The following GPR137C variants were observed in gnomAD, a reference collection of about 807,000 sequenced individuals.
The protein encoded by GPR137C is integral membrane protein GPR137C.
In GPR137C, 27 loss-of-function variants were observed where a neutral mutation model predicts 43.4. The ratio of observed to expected loss-of-function variants is 0.62; its 90% CI spans 0.46 to 0.86. The LOEUF (loss-of-function observed/expected upper bound fraction) is 0.86. Ranked by LOEUF, GPR137C falls within the 40% of genes least tolerant of loss-of-function variation. The pLI, the probability that GPR137C is intolerant of heterozygous loss-of-function variation, is 0.00. For missense variants in GPR137C, 522 were observed against 534.6 expected, an observed-to-expected ratio of 0.98 and a Z score of 0.23; for synonymous variants, 285 against 226.9, an observed-to-expected ratio of 1.26 and a Z score of -2.30.
At chr14:52,614,721 A>G (rs188988438) in intron 3 of GPR137C, among the ~76,000 whole-genome samples, 7 of 152,220 alleles carry the variant, frequency 4.6e-5, no homozygotes, top group Admixed American at 4.6e-4. Context: ...TCTTGGTCTT[A>G]AGCTATCCTT....
At chr14:52,565,860 T>A (rs75663638) in intron 1 of GPR137C, among the ~76,000 whole-genome samples, 8,437 of 152,302 alleles carry the variant, frequency 0.055, 267 homozygotes, top group Middle Eastern at 0.075. Context: ...ACCAGAATTC[T>A]AGTCCAAATT....
chr14:52,578,654 G>A (rs947504323), intron 1 of GPR137C, among the ~76,000 whole-genome samples: 1 of 152,054 alleles, frequency 6.6e-6, no homozygotes, highest in Non-Finnish European at 1.5e-5. Context: ...TAAGAGTGGA[G>A]GCCAGGCATG....
At chr14:52,623,567 G>A (rs2039185012) in intron 3 of GPR137C, among the ~76,000 whole-genome samples, 1 of 152,112 alleles carries the variant, frequency 6.6e-6, no homozygotes, top group Admixed American at 6.5e-5. Flanking sequence ...TCAAAGTGAT[G>A]CTGCAGCTTA....
intron 3 of GPR137C, among the ~76,000 whole-genome samples, chr14:52,623,109 A>G (rs1220003874): frequency 6.6e-6 from 1 of 152,170 alleles, no homozygotes; most frequent in Non-Finnish European, 1.5e-5. Flanking sequence ...GCGTTGACAT[A>G]AAAGAATATT....
intron 1 of GPR137C, among the ~76,000 whole-genome samples, chr14:52,581,659 G>T (rs940759828): frequency 6.6e-6 from 1 of 152,140 alleles, no homozygotes; most frequent in Non-Finnish European, 1.5e-5. Flanking sequence ...GGAATGGTGC[G>T]CTACTCTCTA....
chr14:52,606,593 C>T (rs1387106798), intron 3 of GPR137C, among the ~76,000 whole-genome samples: 2 of 152,088 alleles, frequency 1.3e-5, no homozygotes, highest in African/African-American at 4.8e-5. Context: ...TGTGCCACCA[C>T]ACCCAGCCAA....
intron 1 of GPR137C, among the ~76,000 whole-genome samples, chr14:52,592,088 T>C (rs1456247946): frequency 2.0e-5 from 3 of 152,270 alleles, no homozygotes; most frequent in Admixed American, 2.0e-4. Flanking sequence ...GGGAATCCTT[T>C]TCCCATTGCT....
chr14:52,622,503 A>G (rs552804818), intron 3 of GPR137C, among the ~76,000 whole-genome samples: 8 of 152,154 alleles, frequency 5.3e-5, no homozygotes, highest in African/African-American at 1.9e-4. Context: ...AAAAATTACA[A>G]TTTTCACTTA....
In GPR137C at chr14:52,553,319, G is replaced by A. The variant is rs890302151; in HGVS notation, c.172G>A (p.Ala58Thr). ...GAGCGTCCTGCACGCCCTGCTCTAC[G>A]CCGCGCTGTTCGCCTTTGCCTACCT... The part of the protein sequence containing the change: ...ALSVLHALLY[A>T]ALFAFAYLQL... Residue 58 changes from alanine to threonine, a missense_variant, in exon 1 of 7, where the codon GCC (alanine) becomes ACC (threonine). Transcript: ENST00000321662. 11 of 1,585,972 alleles carry A rather than the reference G, an allele frequency of 6.9e-6. No individual in the cohort carries two copies. Among genetic ancestry groups the A allele is most frequent in the Non-Finnish European group, 9.4e-6 (11 of 1,172,094 alleles).
rs1282619183 is a variant in GPR137C at position 52,596,993 on chromosome 14, A to T, written c.445-1279A>T. 4 of 455,202 alleles carry T rather than the reference A, an allele frequency of 8.8e-6. No individual in the cohort carries two copies. The Admixed American group carries it at 9.4e-5, about 11-fold the overall frequency. 28.2% of individuals were successfully genotyped at this position (455,202 alleles called of 1,614,324 possible). A position where few individuals can be genotyped will look rare whatever the true frequency, so the allele number is the denominator to read the frequency against. ...TTATATCTCCAAATGGTGCGTTTGTAACAATGCATTTCTCAGAACATATAT... is the reference window on the plus strand; with the variant it reads ...TTATATCTCCAAATGGTGCGTTTGTTACAATGCATTTCTCAGAACATATAT... On this transcript the variant is annotated intron_variant, in intron 1 of 6. Coordinates refer to ENST00000321662, the MANE Select transcript of GPR137C (RefSeq NM_001099652.2).
intron 5 of GPR137C, 59 bp downstream of exon 5, chr14:52,633,714 A>G: frequency 3.8e-6 from 6 of 1,577,126 alleles, no homozygotes; most frequent in Middle Eastern, 1.7e-4. Flanking sequence ...TGGAACATTT[A>G]TATTGATTTT....
intron 1 of GPR137C, among the ~76,000 whole-genome samples, chr14:52,581,057 A>G (rs1183942514): frequency 6.6e-6 from 1 of 151,454 alleles, no homozygotes; most frequent in East Asian, 1.9e-4. Flanking sequence ...TTAGCCGGGC[A>G]TGGTGGCAGA....
chr14:52,594,526 G>T (rs953865350), intron 1 of GPR137C, among the ~76,000 whole-genome samples: 3 of 152,172 alleles, frequency 2.0e-5, no homozygotes, highest in Non-Finnish European at 4.4e-5. Flanking sequence ...ATATATTTAG[G>T]ATAGTTAGCT....
chr14:52,568,315 A>G (rs2038404893), intron 1 of GPR137C, among the ~76,000 whole-genome samples: 1 of 152,154 alleles, frequency 6.6e-6, no homozygotes, highest in South Asian at 2.1e-4. Flanking sequence ...CCTGCAAACC[A>G]GGAGATTCCC....
At chr14:52,622,680 A>C (rs981007150) in intron 3 of GPR137C, among the ~76,000 whole-genome samples, 1 of 152,066 alleles carries the variant, frequency 6.6e-6, no homozygotes, top group Non-Finnish European at 1.5e-5. Flanking sequence ...GTTCTATGAA[A>C]AAAAGTGGTT....
chr14:52,560,448 G>A (rs907621912), intron 1 of GPR137C, among the ~76,000 whole-genome samples: 1 of 152,192 alleles, frequency 6.6e-6, no homozygotes. Context: ...GGGACTTAGT[G>A]TAGCTGAAAC....
Position 52,600,190 on chromosome 14 carries a change from A to G in GPR137C, c.566A>G (p.His189Arg), listed in dbSNP as rs767379159. The stretch of plus-strand genomic sequence containing the variant: ...AACTTGACTTGCGCAATGCTAGTTC[A>G]TGGAGATGTCCCAGAAAATCAGTTG... ...VVNLTCAMLV[H>R]GDVPENQLKW... The change falls in exon 3 of 7, where the codon CAT becomes CGT. Residue 189 changes from histidine (H) to arginine (R), a missense_variant. This residue lies in a region of GPR137C where 437 missense variants were observed against 425.7 expected (regional missense o/e 1.03). Coordinates refer to ENST00000321662, the MANE Select transcript of GPR137C (RefSeq NM_001099652.2). 16 of 1,613,948 alleles carry G rather than the reference A, an allele frequency of 9.9e-6. No individual in the cohort carries two copies. The highest frequency in any genetic ancestry group is 1.7e-4 in the Middle Eastern group (1 of 6,056).
intron 1 of GPR137C, among the ~76,000 whole-genome samples, chr14:52,589,775 T>C (rs962102227): frequency 2.6e-5 from 4 of 152,192 alleles, no homozygotes; most frequent in Non-Finnish European, 1.5e-5. Context: ...AACCTAGTGA[T>C]GTTGCAGCCA....
At chr14:52,627,060 A>G (rs771967059) in intron 3 of GPR137C, among the ~76,000 whole-genome samples, 4 of 152,210 alleles carry the variant, frequency 2.6e-5, no homozygotes, top group African/African-American at 9.6e-5. Flanking sequence ...TGTAAATTCA[A>G]TGCAAACCAA....
Sources: allele counts gnomAD v4.1 joint callset (sites outside exome capture counted in the v4.1 genomes callset), GRCh38; gene constraint gnomAD v4.1.1; regional missense constraint gnomAD v4.1.1; transcripts MANE v1.5; gene names NCBI Gene and HGNC (gene_info 2026-07-23, HGNC 2026-07-21).